Variants in VWA7 observed in about 807,000 individuals in gnomAD.
VWA7 encodes von Willebrand factor A domain containing 7, also known as von Willebrand factor A domain-containing protein 7.
Under a neutral mutation model 83.1 loss-of-function variants are expected in VWA7, and 66 were observed. The ratio of observed to expected loss-of-function variants is 0.79; its 90% CI spans 0.65 to 0.98. The LOEUF (loss-of-function observed/expected upper bound fraction) is 0.98. Ranked by LOEUF, VWA7 falls within the 50% of genes least tolerant of loss-of-function variation. The pLI, the probability that VWA7 is intolerant of heterozygous loss-of-function variation, is 0.00. For missense variants in VWA7, 1,080 were observed against 1,160.2 expected (o/e 0.93, Z 1.00); for synonymous variants, 424 against 488.5 (o/e 0.87, Z 1.74).
Position 31,769,293 on chromosome 6 carries a change from G to A in VWA7, c.1318-90C>T. 1 of 1,464,916 alleles carries A rather than the reference G, an allele frequency of 6.8e-7. No individual in the cohort carries two copies. The highest frequency in any genetic ancestry group is 9.2e-7 in the Non-Finnish European group (1 of 1,085,406). The allele number at this position is 1,464,916 out of a possible 1,614,324, so 90.7% of individuals were successfully genotyped here. On this transcript the variant is annotated intron_variant, in intron 9 of 16. Transcript: ENST00000375688. This position sits in a 1 kb window ranked among gnomAD's most constrained non-coding sequence, Gnocchi z 4.5. ...TCCCTGTGCTCAAGCTTTCTCCAGAGCTGATGGTTTGTGATAAGGTCTCTG... is the reference window on the plus strand; with the variant it reads ...TCCCTGTGCTCAAGCTTTCTCCAGAACTGATGGTTTGTGATAAGGTCTCTG...
At position 31,768,156 on chromosome 6, in the gene VWA7, AAAAAAAGAAAGAAAAAG is replaced by A. The variant is rs1427961716; in HGVS notation, c.1504-419_1504-403del. Among the ~76,000 whole-genome samples the A allele has an allele frequency of 4.1e-3, 611 of 150,598 alleles. 5 individuals are homozygous for A. Among genetic ancestry groups the A allele is most frequent in the African/African-American group, 0.013 (532 of 40,902 alleles). ...CTCTGTCTCAAAAAAAAAAAAAAAA[AAAAAAAGAAAGAAAAAG>A]AAAAAAGAAAGAAACCACGTCAAAC... On this transcript the variant is annotated intron_variant, in intron 10 of 16. Transcript: ENST00000375688.
chr6:31,776,242 C>T lies in VWA7; in HGVS notation c.235G>A (p.Gly79Ser), dbSNP rs1271981302. The change falls in exon 3 of 17, where the codon GGT (glycine) becomes AGT (serine). Residue 79 changes from glycine to serine, a missense_variant and splice_region_variant. Transcript: ENST00000375688. The surrounding 1 kb of genome is among the most constrained non-coding windows in gnomAD (Gnocchi z 6.2). ...RPPLRLEDFL[G>S]RTLLADDLFA... ...AGGTCATCAGCAAGGAGTGTTCGAC[C>T]CTGGGGAGAATAGCGGGCGACGGGG... The T allele has an allele frequency of 1.9e-6, 3 of 1,610,462 alleles. No individual in the cohort carries two copies. In the African/African-American group the frequency reaches 4.0e-5, roughly 22 times the overall value.
intron 7 of VWA7, chr6:31,771,491 T>G (rs1812172161): frequency 6.6e-6 from 1 of 152,250 alleles, no homozygotes; most frequent in African/African-American, 2.4e-5. Flanking sequence ...ATGTGATAAC[T>G]GATACCCATT....
rs1010995514 is a variant in VWA7, at chr6:31,777,171, G to C, written c.-78C>G. The C allele has an allele frequency of 5.3e-6, 2 of 375,916 alleles. No individual in the cohort carries two copies. The highest frequency in any genetic ancestry group is 4.2e-5 in the Admixed American group (1 of 23,840). 23.3% of individuals were successfully genotyped at this position (375,916 alleles called of 1,614,324 possible). A position where few individuals can be genotyped will look rare whatever the true frequency, so the allele number is the denominator to read the frequency against. ...TTGACGTCACAGGGCACTTAGGTCA[G>C]AGTTATAATTAACCGAGGCTCAGCA... is the stretch of plus-strand genomic sequence containing the variant. On this transcript the variant is annotated 5_prime_UTR_variant, in exon 1 of 17. Coordinates refer to ENST00000375688, the MANE Select transcript of VWA7 (RefSeq NM_025258.3). The surrounding 1 kb of genome is among the most constrained non-coding windows in gnomAD (Gnocchi z 5.8).
chr6:31,776,226 G>A lies in VWA7; in HGVS notation c.251C>T (p.Ala84Val), dbSNP rs1305600207. ...AAAGTAGGCGGCAAAGAGGTCATCAGCAAGGAGTGTTCGACCCTGGGGAGA... is the reference window on the plus strand; with the variant it reads ...AAAGTAGGCGGCAAAGAGGTCATCAACAAGGAGTGTTCGACCCTGGGGAGA... ...LEDFLGRTLL[A>V]DDLFAAYFGP... Residue 84 changes from alanine (A) to valine (V), a missense_variant, in exon 3 of 17, where the codon GCT (alanine) becomes GTT (valine). By Grantham distance (64) the Ala-to-Val change is moderately conservative (BLOSUM62 0). Transcript: ENST00000375688. This position sits in a 1 kb window ranked among gnomAD's most constrained non-coding sequence, Gnocchi z 6.2. The A allele has an allele frequency of 6.2e-7, 1 of 1,613,788 alleles. No homozygotes were observed. The highest frequency in any genetic ancestry group is 1.7e-5 in the Admixed American group (1 of 59,996).
At chr6:31,772,574 T>TC (rs1355039373) in intron 7 of VWA7, among the ~76,000 whole-genome samples, 1 of 145,100 alleles carries the variant, frequency 6.9e-6, no homozygotes, top group African/African-American at 2.5e-5. Flanking sequence ...CTTTTTTTTT[T>TC]CTTTCTTTTC....
rs752248708 is a variant in VWA7, at chr6:31,772,944, C to T, written c.1087+10G>A. ...CCTCCCCTCTACTGTCCTAGCCAGA[C>T]CACACTTACCTGGGTCATGAAAAGG... is the stretch of plus-strand genomic sequence containing the variant. On this transcript the variant is annotated intron_variant, in intron 7 of 16. Coordinates refer to ENST00000375688, the MANE Select transcript of VWA7 (RefSeq NM_025258.3). The T allele has an allele frequency of 3.7e-6, 6 of 1,609,084 alleles. No individual in the cohort carries two copies. The South Asian group carries it at 5.5e-5, about 15-fold the overall frequency.
chr6:31,775,190 G>A lies in VWA7; in HGVS notation c.610+143C>T, dbSNP rs1414744137. On this transcript the variant is annotated intron_variant, in intron 4 of 16. Coordinates refer to ENST00000375688, the MANE Select transcript of VWA7 (RefSeq NM_025258.3). The surrounding 1 kb of genome is among the most constrained non-coding windows in gnomAD (Gnocchi z 5.9). Reference sequence around the variant, plus strand: ...TGGGGAAGCTGCTTAACTGAGCCAGGCGTTGCTTGGACTGGGGGACCTCAG... The same window carrying A: ...TGGGGAAGCTGCTTAACTGAGCCAGACGTTGCTTGGACTGGGGGACCTCAG... 1.5e-6 allele frequency: 1 copy of A among 657,826 alleles called. No individual in the cohort carries two copies. Among genetic ancestry groups the A allele is most frequent in the Non-Finnish European group, 2.5e-6 (1 of 405,864 alleles). 40.7% of individuals were successfully genotyped at this position (657,826 alleles called of 1,614,324 possible). A position where few individuals can be genotyped will look rare whatever the true frequency, so the allele number is the denominator to read the frequency against.
chr6:31,767,351 T>TC lies in VWA7; in HGVS notation c.1789+10dup, dbSNP rs779270636. ...TCTGCTTCCCCTTCCCAGGAACACC[T>TC]CCCTCCTTACCTTGCACTCTCACCC... On this transcript the variant is annotated intron_variant, in intron 12 of 16. Transcript: ENST00000375688. 1.9e-5 allele frequency: 31 copies of TC among 1,612,440 alleles called. No individual in the cohort carries two copies. The highest frequency in any genetic ancestry group is 2.5e-5 in the Non-Finnish European group (30 of 1,179,128).
rs1562261046 is a variant in VWA7 at position 31,765,723 on chromosome 6, CGTG to C, written c.2544_2546del (p.Thr849del). On this transcript the variant is annotated inframe_deletion, in exon 17 of 17. Coordinates refer to ENST00000375688, the MANE Select transcript of VWA7 (RefSeq NM_025258.3). The stretch of plus-strand genomic sequence containing the variant: ...TGAAGGGGGAAAAGGCAGGGGTGGC[CGTG>C]GTGAGGATCGGGTCAGATGAGCCGG... 1.9e-6 allele frequency: 3 copies of C among 1,592,852 alleles called. No homozygotes were observed. The highest frequency in any genetic ancestry group is 2.6e-6 in the Non-Finnish European group (3 of 1,169,876).
In VWA7 at chr6:31,774,618, G is replaced by T; in HGVS notation, c.619C>A (p.Pro207Thr). 1 of 1,611,740 alleles carries T rather than the reference G, an allele frequency of 6.2e-7. No individual in the cohort carries two copies. Among genetic ancestry groups the T allele is most frequent in the Non-Finnish European group, 8.5e-7 (1 of 1,179,460 alleles). ...AACTCCTCGCAATCGGAGCAGGTAG[G>T]ATCGGCCACTGGGAAGAGAGGGCAG... ...ELQNLAQVAD[P>T]TCSDCEELSC... Residue 207 changes from proline to threonine, a missense_variant, in exon 5 of 17, where the codon CCT (proline) becomes ACT (threonine). Coordinates refer to ENST00000375688, the MANE Select transcript of VWA7 (RefSeq NM_025258.3).
In VWA7 at chr6:31,766,863, T is replaced by C; in HGVS notation, c.1883-99A>G. On this transcript the variant is annotated intron_variant, in intron 13 of 16. Coordinates refer to ENST00000375688, the MANE Select transcript of VWA7 (RefSeq NM_025258.3). The surrounding 1 kb of genome is among the most constrained non-coding windows in gnomAD (Gnocchi z 4.9). ...AAATAGGGGTTCCCTCTGGGGAGTA[T>C]GGATGGGAAAATAGGTTACCTTCGA... 1.0e-5 allele frequency: 14 copies of C among 1,361,726 alleles called. No individual in the cohort carries two copies. The highest frequency in any genetic ancestry group is 1.4e-5 in the Non-Finnish European group (14 of 1,014,428). The allele number at this position is 1,361,726 out of a possible 1,614,324, so 84.4% of individuals were successfully genotyped here. A position where few individuals can be genotyped will look rare whatever the true frequency, so the allele number is the denominator to read the frequency against.
chr6:31,774,457 A>G (rs1337383208), intron 5 of VWA7, 59 bp downstream of exon 5: 4 of 1,488,566 alleles, frequency 2.7e-6, no homozygotes, highest in Non-Finnish European at 3.7e-6. Context: ...TACAGGACAG[A>G]GATCCTGTAA....
chr6:31,767,814 A>G, intron 10 of VWA7, 60 bp from the exon 11 acceptor site: 1 of 1,558,726 alleles, frequency 6.4e-7, no homozygotes. Context: ...ATGAGGAACA[A>G]AGAAGAAAGG....
At chr6:31,770,611 GGGGCAGGGCGGGGCAGGGCA>G (rs1812084401) in intron 7 of VWA7, among the ~76,000 whole-genome samples, 1 of 150,364 alleles carries the variant, frequency 6.7e-6, no homozygotes, top group Non-Finnish European at 1.5e-5. Context: ...AGTGCAGGGC[GGGGCAGGGCGGGGCAGGGCA>G]GGGCAGACCT....
chr6:31,776,073 T>C lies in VWA7; in HGVS notation c.404A>G (p.Gln135Arg). The C allele has an allele frequency of 3.7e-6, 6 of 1,613,890 alleles. No homozygotes were observed. The highest frequency in any genetic ancestry group is 5.1e-6 in the Non-Finnish European group (6 of 1,180,024). The change falls in exon 3 of 17, where the codon CAG becomes CGG. Residue 135 changes from glutamine (Q) to arginine (R), a missense_variant. Physicochemically the swap from Gln to Arg is conservative, Grantham distance 43. Coordinates refer to ENST00000375688, the MANE Select transcript of VWA7 (RefSeq NM_025258.3). This position sits in a 1 kb window ranked among gnomAD's most constrained non-coding sequence, Gnocchi z 6.2. ...DLHFDAERLGQGRARLVGALR... is the reference protein window; with the variant it reads ...DLHFDAERLGRGRARLVGALR... ...AGCCCCTACCAGGCGCGCGCGTCCC[T>C]GACCCAGTCGCTCAGCATCAAAGTG...
In VWA7 at chr6:31,775,444, AGGAGAAGG is replaced by A; in HGVS notation, c.514-23_514-16del. On this transcript the variant is annotated splice_polypyrimidine_tract_variant and intron_variant, in intron 3 of 16. Transcript: ENST00000375688. This position sits in a 1 kb window ranked among gnomAD's most constrained non-coding sequence, Gnocchi z 5.9. The stretch of plus-strand genomic sequence containing the variant: ...CTGTAGAAATCCTGGTCCGGAGGAC[AGGAGAAGG>A]GGAGTGAGGCACTAGTCTGGCCTTT... 1.2e-6 allele frequency: 2 copies of A among 1,608,952 alleles called. No individual in the cohort carries two copies. Among genetic ancestry groups the A allele is most frequent in the Non-Finnish European group, 1.7e-6 (2 of 1,177,746 alleles).
At chr6:31,767,849 T>G in intron 10 of VWA7, 95 bp from the exon 11 acceptor site, 2 of 1,444,012 alleles carry the variant, frequency 1.4e-6, no homozygotes. Flanking sequence ...ACCACGTCAT[T>G]GGGCCGGGCG....
Position 31,775,861 on chromosome 6 carries a change from G to T in VWA7, c.513+103C>A. On this transcript the variant is annotated intron_variant, in intron 3 of 16. Coordinates refer to ENST00000375688, the MANE Select transcript of VWA7 (RefSeq NM_025258.3). This position sits in a 1 kb window ranked among gnomAD's most constrained non-coding sequence, Gnocchi z 5.9. ...CGCGTGCCAGTGCCCACCCCTTCCAGAGTGGAGGAGACATGATCAAGAAGG... is the reference window on the plus strand; with the variant it reads ...CGCGTGCCAGTGCCCACCCCTTCCATAGTGGAGGAGACATGATCAAGAAGG... The T allele has an allele frequency of 6.7e-7, 1 of 1,495,084 alleles. No homozygotes were observed. The allele number at this position is 1,495,084 out of a possible 1,614,324, so 92.6% of individuals were successfully genotyped here.
Sources: gnomAD v4.1 joint callset for allele counts (sites outside exome capture counted in the v4.1 genomes callset) on GRCh38, gnomAD v4.1.1 for gene constraint, Gnocchi (gnomAD v3.1) non-coding constraint, MANE v1.5 for transcripts, NCBI Gene and HGNC (gene_info 2026-07-23, HGNC 2026-07-21) for gene names.